CDC42SE2: variants seen among roughly 807,000 people sequenced by gnomAD.
CDC42SE2 encodes CDC42 small effector 2.
Under a neutral mutation model 11.5 loss-of-function variants are expected in CDC42SE2, and 3 were observed. That is an observed-to-expected ratio of 0.26 (90% CI 0.12 to 0.67). CDC42SE2 has a LOEUF of 0.67. Ranked by LOEUF, CDC42SE2 falls within the 30% of genes least tolerant of loss-of-function variation. CDC42SE2 has a pLI of 0.80. For synonymous variants in CDC42SE2, 33 were observed against 34.8 expected (o/e 0.95, Z 0.18); for missense variants, 82 against 106.8 (o/e 0.77, Z 1.02).
the CDC42SE2 span, among the ~76,000 whole-genome samples, chr5:131,232,801 A>G: frequency 2.0e-5 from 3 of 151,542 alleles, no homozygotes; most frequent in Non-Finnish European, 4.4e-5. Context: ...CAAGTTTAAA[A>G]TGTGTTTACC....
At position 131,391,138 on chromosome 5, in the gene CDC42SE2, G is replaced by A; in HGVS notation, c.*47G>A. ...GTACTCAGAGCTGGGGTCTGGACCT[G>A]ACGGCCAGACATGGCCAGGCCAATA... On this transcript the variant is annotated 3_prime_UTR_variant, in exon 5 of 5. Coordinates refer to ENST00000505065, the MANE Select transcript of CDC42SE2 (RefSeq NM_001375635.1). 1 of 1,341,646 alleles carries A rather than the reference G, an allele frequency of 7.5e-7. No homozygotes were observed. The highest frequency in any genetic ancestry group is 1.2e-5 in the South Asian group (1 of 82,714). The allele number at this position is 1,341,646 out of a possible 1,614,324, so 83.1% of individuals were successfully genotyped here.
intron 1 of CDC42SE2, among the ~76,000 whole-genome samples, chr5:131,277,448 T>A (rs984060597): frequency 1.3e-5 from 2 of 152,262 alleles, no homozygotes; most frequent in Admixed American, 6.5e-5. Flanking sequence ...TGCCTTCATT[T>A]ATTCCATTCA....
chr5:131,258,728 G>C (rs1756700155), intron 2 of CDC42SE2, among the ~76,000 whole-genome samples: 1 of 152,110 alleles, frequency 6.6e-6, no homozygotes, highest in African/African-American at 2.4e-5. Flanking sequence ...TCTTCACAGA[G>C]ACCCACCTCG....
chr5:131,255,026 G>GAA (rs1276724470), intron 1 of CDC42SE2: 1 of 152,076 alleles, frequency 6.6e-6, no homozygotes, highest in Non-Finnish European at 1.5e-5. Context: ...TGCCAGAATG[G>GAA]GAAATATGTG....
chr5:131,292,518 A>G (rs1425913697), intron 1 of CDC42SE2, among the ~76,000 whole-genome samples: 1 of 147,884 alleles, frequency 6.8e-6, no homozygotes, highest in Non-Finnish European at 1.5e-5. Context: ...CAGTGAGCCG[A>G]GACTGCACTC....
At chr5:131,280,431 A>G (rs1757215365) in intron 1 of CDC42SE2, among the ~76,000 whole-genome samples, 1 of 152,222 alleles carries the variant, frequency 6.6e-6, no homozygotes, top group Admixed American at 6.5e-5. Context: ...TATTATCATA[A>G]AAGTATTACT....
chr5:131,382,002 C>G (rs936111149), intron 3 of CDC42SE2, among the ~76,000 whole-genome samples: 12 of 152,146 alleles, frequency 7.9e-5, no homozygotes, highest in Non-Finnish European at 2.9e-5. Context: ...CCTTGGGGAG[C>G]GAAGGACTGA....
intron 1 of CDC42SE2, among the ~76,000 whole-genome samples, chr5:131,286,048 C>CTTTT (rs66827141): frequency 7.9e-6 from 1 of 127,246 alleles, no homozygotes; most frequent in Non-Finnish European, 1.7e-5. Context: ...GGAAATGTAG[C>CTTTT]TTTTTTTTTT....
intron 1 of CDC42SE2, among the ~76,000 whole-genome samples, chr5:131,267,288 A>ATGG (rs1393596534): frequency 6.6e-6 from 1 of 151,392 alleles, no homozygotes; most frequent in Non-Finnish European, 1.5e-5. Flanking sequence ...CGGTCTCTTG[A>ATGG]CCTCGTGATC....
At position 131,248,400 on chromosome 5, in the gene CDC42SE2, G is replaced by A. The variant is rs537742520; in HGVS notation, n.107+2801G>A. Among the ~76,000 whole-genome samples the A allele has an allele frequency of 1.5e-3, 231 of 152,240 alleles. 1 individual carries two copies. Among genetic ancestry groups the A allele is most frequent in the African/African-American group, 5.3e-3 (222 of 41,554 alleles). The stretch of plus-strand genomic sequence containing the variant: ...TGATCCGCCCATCTGGCCTCCCAAA[G>A]TGCTGGGATCATAGGCATGAGCCAC... On this transcript the variant is annotated intron_variant and non_coding_transcript_variant, in intron 1 of 3. Transcript: ENST00000502840.
intron 1 of CDC42SE2, among the ~76,000 whole-genome samples, chr5:131,251,968 T>C (rs1420712537): frequency 1.3e-5 from 2 of 151,680 alleles, no homozygotes; most frequent in East Asian, 1.9e-4. Flanking sequence ...TGAGCCATGA[T>C]TGTGCCACTG....
intron 1 of CDC42SE2, among the ~76,000 whole-genome samples, chr5:131,272,328 T>C (rs1757010392): frequency 6.6e-6 from 1 of 152,164 alleles, no homozygotes; most frequent in South Asian, 2.1e-4. Flanking sequence ...GCCTAATCCT[T>C]CTGTAATCCT....
chr5:131,330,004 T>A (rs1758387182), intron 2 of CDC42SE2, among the ~76,000 whole-genome samples: 1 of 149,822 alleles, frequency 6.7e-6, no homozygotes, highest in African/African-American at 2.4e-5. Context: ...TTCTATTATA[T>A]CTCTCAATCA....
At chr5:131,311,439 A>G (rs1757911437) in intron 1 of CDC42SE2, among the ~76,000 whole-genome samples, 1 of 151,226 alleles carries the variant, frequency 6.6e-6, no homozygotes, top group Non-Finnish European at 1.5e-5. Context: ...GCTCTTCTCA[A>G]GGAGTATCTT....
At chr5:131,388,209 G>A (rs1750546513) in intron 4 of CDC42SE2, among the ~76,000 whole-genome samples, 1 of 152,102 alleles carries the variant, frequency 6.6e-6, no homozygotes, top group African/African-American at 2.4e-5. Flanking sequence ...TGGCGAGGCT[G>A]GTCTCAAACT....
intron 3 of CDC42SE2, among the ~76,000 whole-genome samples, chr5:131,372,350 A>C (rs1472416897): frequency 6.6e-6 from 1 of 151,990 alleles, no homozygotes; most frequent in Non-Finnish European, 1.5e-5. Flanking sequence ...ATTTTTAAGA[A>C]CTCCAAGGTT....
chr5:131,227,996 TG>T, the CDC42SE2 span, among the ~76,000 whole-genome samples: 1 of 152,244 alleles, frequency 6.6e-6, no homozygotes, highest in African/African-American at 2.4e-5. Context: ...GAGACCAGCG[TG>T]GCCCTGTCCA....
At chr5:131,356,021 G>A (rs553366444) in intron 2 of CDC42SE2, among the ~76,000 whole-genome samples, 4 of 152,158 alleles carry the variant, frequency 2.6e-5, no homozygotes, top group East Asian at 1.9e-4. Flanking sequence ...TAGCTAAGTC[G>A]CCTTGGATAA....
At chr5:131,356,997 C>T (rs1749567061) in intron 2 of CDC42SE2, among the ~76,000 whole-genome samples, 1 of 152,132 alleles carries the variant, frequency 6.6e-6, no homozygotes, top group Admixed American at 6.5e-5. Context: ...AATAGCAGCA[C>T]TGAAATAATG....
Sources: allele counts gnomAD v4.1 joint callset (sites outside exome capture counted in the v4.1 genomes callset), GRCh38; gene constraint gnomAD v4.1.1; transcripts MANE v1.5; gene names NCBI Gene and HGNC (gene_info 2026-07-23, HGNC 2026-07-21).